Variants in RRAGC observed in about 807,000 individuals in gnomAD.
The protein encoded by RRAGC is Ras related GTP binding C.
A neutral mutation model predicts 37.1 loss-of-function variants in RRAGC; 8 were observed. That is an observed-to-expected ratio of 0.22 (90% CI 0.13 to 0.39). RRAGC has a LOEUF of 0.39. Ranked by LOEUF, RRAGC falls within the 10% of genes least tolerant of loss-of-function variation. RRAGC has a pLI of 1.00. For missense variants in RRAGC, 342 were observed against 497.6 expected (o/e 0.69, Z 2.98); for synonymous variants, 190 against 181.1 (o/e 1.05, Z -0.39).
At chr1:38,856,106 T>G (rs773727954) in intron 2 of RRAGC, among the ~76,000 whole-genome samples, 199 bp from the exon 3 acceptor site, 9 of 152,294 alleles carry the variant, frequency 5.9e-5, no homozygotes, top group Non-Finnish European at 1.3e-4. Flanking sequence ...ACCAAGTTAA[T>G]GCTTGTAATT....
intron 6 of RRAGC, among the ~76,000 whole-genome samples, chr1:38,842,337 A>G (rs1641975002): frequency 6.6e-6 from 1 of 152,228 alleles, no homozygotes; most frequent in African/African-American, 2.4e-5. Context: ...ATCAGTGCAA[A>G]AAAAGATAAA....
Position 38,846,015 on chromosome 1 carries a change from A to G in RRAGC, c.972T>C (p.Thr324=). 6.2e-7 allele frequency: 1 copy of G among 1,609,216 alleles called. No individual in the cohort carries two copies. The highest frequency in any genetic ancestry group is 8.5e-7 in the Non-Finnish European group (1 of 1,175,690). The change falls in exon 6 of 7, where the codon ACT becomes ACC. Residue 324 remains threonine, a synonymous_variant. Coordinates refer to ENST00000373001, the MANE Select transcript of RRAGC (RefSeq NM_022157.4). The part of the protein sequence containing the change: ...SMAIIKLNNT[T]VLYLKEVTKF... ...TAGTCACCTCCTTTAAATAAAGGAC[A>G]GTTGTATTATTCAGCTTGATAATTG...
At position 38,859,764 on chromosome 1, in the gene RRAGC, C is replaced by A; in HGVS notation, c.-118G>T. 1.1e-6 allele frequency: 1 copy of A among 915,032 alleles called. No individual in the cohort carries two copies. The highest frequency in any genetic ancestry group is 4.2e-4 in the Middle Eastern group (1 of 2,398). The allele number at this position is 915,032 out of a possible 1,614,324, so 56.7% of individuals were successfully genotyped here. A position where few individuals can be genotyped will look rare whatever the true frequency, so the allele number is the denominator to read the frequency against. ...CCACCGCCACCGCCCCCGGCAGCCG[C>A]CACAGTCCGGCCCGCCCCCCGGAGC... is the stretch of plus-strand genomic sequence containing the variant. On this transcript the variant is annotated 5_prime_UTR_variant, in exon 1 of 7. Transcript: ENST00000373001.
chr1:38,840,882 T>C (rs1641955080), intron 6 of RRAGC, among the ~76,000 whole-genome samples: 1 of 152,204 alleles, frequency 6.6e-6, no homozygotes, highest in South Asian at 2.1e-4. Context: ...TTCAACTACA[T>C]TAAAATTTAT....
In RRAGC at chr1:38,838,447, G is replaced by A. The variant is rs1244425139; in HGVS notation, c.*1106C>T. ...TTTGGAATATATGTCTACTGGGCAT[G>A]TGGAATAGAAATAATGTGTTAGGTT... On this transcript the variant is annotated 3_prime_UTR_variant, in exon 7 of 7. Coordinates refer to ENST00000373001, the MANE Select transcript of RRAGC (RefSeq NM_022157.4). 6.6e-6 allele frequency: 1 copy of A among 152,162 alleles called. No homozygotes were observed. The highest frequency in any genetic ancestry group is 1.9e-4 in the East Asian group (1 of 5,204). 9.4% of individuals were successfully genotyped at this position (152,162 alleles called of 1,614,324 possible).
intron 6 of RRAGC, among the ~76,000 whole-genome samples, chr1:38,843,236 T>G (rs1641985611): frequency 6.6e-6 from 1 of 151,666 alleles, no homozygotes; most frequent in Non-Finnish European, 1.5e-5. Context: ...GAGGCTGAGG[T>G]GGGAGGATCT....
At chr1:38,859,175 G>A (rs1028861869) in intron 1 of RRAGC, among the ~76,000 whole-genome samples, 1 of 152,262 alleles carries the variant, frequency 6.6e-6, no homozygotes, top group Non-Finnish European at 1.5e-5. Context: ...CCGGGCACCT[G>A]CCTCCCGGCA....
chr1:38,841,092 T>C (rs935165560), intron 6 of RRAGC, among the ~76,000 whole-genome samples: 3 of 152,182 alleles, frequency 2.0e-5, no homozygotes, highest in African/African-American at 7.2e-5. Context: ...GGGAAAGTGG[T>C]ATAAATATGA....
chr1:38,857,797 TA>T (rs1570872372), intron 1 of RRAGC, among the ~76,000 whole-genome samples: 1 of 152,082 alleles, frequency 6.6e-6, no homozygotes, highest in East Asian at 1.9e-4. Flanking sequence ...CCATCCCCAC[TA>T]AAAATACCAA....
At chr1:38,856,855 A>C (rs1455878043) in intron 2 of RRAGC, 24 bp downstream of exon 2, 1 of 1,600,252 alleles carries the variant, frequency 6.2e-7, no homozygotes. Context: ...ACCAGGAAAG[A>C]GGAGTAAACA....
At chr1:38,846,625 A>G (rs1312768999) in intron 5 of RRAGC, 1 of 152,302 alleles carries the variant, frequency 6.6e-6, no homozygotes, top group Non-Finnish European at 1.5e-5. Flanking sequence ...GCTAGAGACT[A>G]GCAGGGACTA....
intron 6 of RRAGC, among the ~76,000 whole-genome samples, chr1:38,843,161 C>T (rs1408708467): frequency 6.6e-6 from 1 of 152,020 alleles, no homozygotes; most frequent in Non-Finnish European, 1.5e-5. Flanking sequence ...GAGATCCTAT[C>T]TCTACAAAAT....
At chr1:38,859,020 C>G (rs1399988098) in intron 1 of RRAGC, among the ~76,000 whole-genome samples, 2 of 152,236 alleles carry the variant, frequency 1.3e-5, no homozygotes, top group Non-Finnish European at 1.5e-5. Context: ...CCGAAACACT[C>G]AGGTCACCTG....
At chr1:38,849,824 A>G (rs920994759) in intron 5 of RRAGC, among the ~76,000 whole-genome samples, 11 of 152,334 alleles carry the variant, frequency 7.2e-5, no homozygotes, top group African/African-American at 2.6e-4. Flanking sequence ...CAAACGTTCT[A>G]CTCATCCATT....
chr1:38,848,828 G>A (rs1266796239), intron 5 of RRAGC, among the ~76,000 whole-genome samples: 1 of 151,528 alleles, frequency 6.6e-6, no homozygotes, highest in Non-Finnish European at 1.5e-5. Context: ...CTACAAAAAA[G>A]TAAAATTAAA....
chr1:38,840,575 G>A (rs1641951361), intron 6 of RRAGC, among the ~76,000 whole-genome samples: 1 of 152,198 alleles, frequency 6.6e-6, no homozygotes, highest in Non-Finnish European at 1.5e-5. Flanking sequence ...GCCAAGTGCA[G>A]GGCAAAGTAA....
chr1:38,854,395 A>G (rs1437518737), intron 3 of RRAGC, among the ~76,000 whole-genome samples: 3 of 152,028 alleles, frequency 2.0e-5, no homozygotes, highest in African/African-American at 7.2e-5. Flanking sequence ...GCAACATTCT[A>G]CTGAAGTTAA....
intron 1 of RRAGC, among the ~76,000 whole-genome samples, chr1:38,858,696 C>T (rs1036067954): frequency 3.9e-5 from 6 of 152,284 alleles, no homozygotes; most frequent in Middle Eastern, 3.4e-3. Flanking sequence ...CGAGAGACTC[C>T]GTCTCAAAAA....
chr1:38,851,485 A>C, intron 5 of RRAGC, 130 bp downstream of exon 5: 1 of 736,356 alleles, frequency 1.4e-6, no homozygotes, highest in Non-Finnish European at 2.0e-6. Context: ...AAGTTAAAGC[A>C]CTATGGTCAG....
Sources: gnomAD v4.1 joint callset for allele counts (sites outside exome capture counted in the v4.1 genomes callset) on GRCh38, gnomAD v4.1.1 for gene constraint, MANE v1.5 for transcripts, NCBI Gene and HGNC (gene_info 2026-07-23, HGNC 2026-07-21) for gene names.